TTC7B: variants seen among roughly 807,000 people sequenced by gnomAD.
TTC7B encodes tetratricopeptide repeat domain 7B, also known as tetratricopeptide repeat protein 7B.
Under a neutral mutation model 106.8 loss-of-function variants are expected in TTC7B, and 28 were observed. That is an observed-to-expected ratio of 0.26 (90% confidence interval 0.19 to 0.36). The LOEUF (loss-of-function observed/expected upper bound fraction) is 0.36. Among genes scored for constraint, TTC7B ranks in the 10% least tolerant of loss-of-function variants. The pLI, the probability that TTC7B is intolerant of heterozygous loss-of-function variation, is 1.00. For synonymous variants in TTC7B, 405 were observed against 430.6 expected (o/e 0.94, Z 0.74); for missense variants, 862 against 1,076.4 (o/e 0.80, Z 2.79).
chr14:90,558,692 G>T (rs1267368176), intron 19 of TTC7B, among the ~76,000 whole-genome samples: 1 of 152,246 alleles, frequency 6.6e-6, no homozygotes, highest in Non-Finnish European at 1.5e-5. Context: ...GGTCTCCCCG[G>T]CCAGCGCTCC....
intron 18 of TTC7B, among the ~76,000 whole-genome samples, chr14:90,587,001 C>T (rs899782194): frequency 6.6e-6 from 1 of 152,208 alleles, no homozygotes; most frequent in Non-Finnish European, 1.5e-5. Context: ...CCTCAGAAGG[C>T]ATCTCAGGGT....
At chr14:90,760,890 C>T (rs1184775631) in intron 3 of TTC7B, among the ~76,000 whole-genome samples, 1 of 152,210 alleles carries the variant, frequency 6.6e-6, no homozygotes, top group Non-Finnish European at 1.5e-5. Context: ...AATGTTTCCC[C>T]AGGATAGCAC....
chr14:90,564,342 C>T (rs1595162622), intron 19 of TTC7B, among the ~76,000 whole-genome samples: 1 of 152,198 alleles, frequency 6.6e-6, no homozygotes, highest in East Asian at 1.9e-4. Context: ...GTCATTGAAC[C>T]ATGCTTTAAA....
intron 16 of TTC7B, among the ~76,000 whole-genome samples, chr14:90,617,019 G>A (rs570749251): frequency 2.8e-3 from 427 of 152,294 alleles, no homozygotes; most frequent in African/African-American, 9.9e-3. Context: ...ATATGCAAGG[G>A]AAAACTGTGC....
rs1166303080 is a variant in TTC7B, at chr14:90,600,551, C to T, written c.1967-6925G>A. Among the ~76,000 whole-genome samples, 1 of 152,218 alleles carries T rather than the reference C, an allele frequency of 6.6e-6. No individual in the cohort carries two copies. The highest frequency in any genetic ancestry group is 1.5e-5 in the Non-Finnish European group (1 of 68,046). ...CATAGCCCCAAGACGGGATCAGTTT[C>T]CCACTGACTTTAACATAATATCAAG... On this transcript the variant is annotated intron_variant, in intron 17 of 19. Transcript: ENST00000328459. This position sits in a 1 kb window ranked among gnomAD's most constrained non-coding sequence, Gnocchi z 4.3.
chr14:90,618,482 C>T (rs1336735404), intron 15 of TTC7B, among the ~76,000 whole-genome samples: 1 of 152,240 alleles, frequency 6.6e-6, no homozygotes, highest in African/African-American at 2.4e-5. Flanking sequence ...TGCTCACCGT[C>T]GTGTGAGCTT....
chr14:90,781,838 C>A (rs7155264), intron 2 of TTC7B, among the ~76,000 whole-genome samples: 1 of 152,190 alleles, frequency 6.6e-6, no homozygotes, highest in South Asian at 2.1e-4. Context: ...GCTGGCCTGG[C>A]CAGTCCCCCT....
chr14:90,543,340 A>T (rs893815776), intron 19 of TTC7B, among the ~76,000 whole-genome samples: 2 of 152,172 alleles, frequency 1.3e-5, no homozygotes, highest in Non-Finnish European at 2.9e-5. Context: ...TGGCAGAGTG[A>T]TGGATTCCTC....
intron 3 of TTC7B, among the ~76,000 whole-genome samples, chr14:90,761,546 T>C (rs559361076): frequency 3.9e-5 from 6 of 152,190 alleles, no homozygotes; most frequent in African/African-American, 1.4e-4. Flanking sequence ...CAGAGATTGA[T>C]TTGATTAATA....
intron 19 of TTC7B, among the ~76,000 whole-genome samples, chr14:90,557,930 C>G (rs1240759900): frequency 6.6e-6 from 1 of 152,226 alleles, no homozygotes; most frequent in East Asian, 1.9e-4. Flanking sequence ...AGCTGCCAGG[C>G]TCCTGAAGAC....
intron 3 of TTC7B, among the ~76,000 whole-genome samples, chr14:90,755,918 C>T (rs760869676): frequency 3.7e-4 from 57 of 152,236 alleles, no homozygotes; most frequent in Non-Finnish European, 5.9e-4. Flanking sequence ...ATATGTCTTT[C>T]CTGGGACAAT....
intron 1 of TTC7B, among the ~76,000 whole-genome samples, chr14:90,786,999 T>C (rs552807956): frequency 2.1e-4 from 32 of 152,314 alleles, no homozygotes; most frequent in Admixed American, 1.9e-3. Context: ...GTGTTACGTA[T>C]TTTCAAGAGT....
intron 7 of TTC7B, among the ~76,000 whole-genome samples, chr14:90,687,462 TG>T (rs1284547080): frequency 2.0e-5 from 3 of 152,166 alleles, no homozygotes; most frequent in African/African-American, 7.2e-5. Flanking sequence ...GAGGCCATAC[TG>T]GATGGCACCC....
chr14:90,669,473 A>C (rs1350455793), intron 9 of TTC7B, among the ~76,000 whole-genome samples: 1 of 151,822 alleles, frequency 6.6e-6, no homozygotes, highest in Non-Finnish European at 1.5e-5. Flanking sequence ...CCAAGACGGG[A>C]GGATCACTTG....
rs1555378038 is a variant in TTC7B at position 90,588,904 on chromosome 14, A to AAC, written c.2107+4581_2107+4582insGT. Among the ~76,000 whole-genome samples, 538 of 148,964 alleles carry AAC rather than the reference A, an allele frequency of 3.6e-3. 7 individuals carry two copies. Among genetic ancestry groups the AAC allele is most frequent in the African/African-American group, 0.013 (516 of 39,530 alleles). On this transcript the variant is annotated intron_variant, in intron 18 of 19. Coordinates refer to ENST00000328459, the MANE Select transcript of TTC7B (RefSeq NM_001010854.2). ...CAAAAACTAAAAAAAAAAAAAAAAA[A>AAC]AACCCTTGGAAGATGTTTACAGCAC...
intron 4 of TTC7B, among the ~76,000 whole-genome samples, 180 bp from the exon 5 acceptor site, chr14:90,730,376 C>T (rs1889278835): frequency 6.6e-6 from 1 of 152,126 alleles, no homozygotes; most frequent in Non-Finnish European, 1.5e-5. Context: ...TTCTACTAGA[C>T]AGGAAGCAAC....
intron 19 of TTC7B, among the ~76,000 whole-genome samples, chr14:90,564,508 C>G (rs1221531309): frequency 6.6e-6 from 1 of 152,192 alleles, no homozygotes; most frequent in Non-Finnish European, 1.5e-5. Flanking sequence ...AACAAAAGAA[C>G]CAGCATATCC....
At position 90,575,150 on chromosome 14, in the gene TTC7B, T is replaced by A. The variant is rs1891208159; in HGVS notation, c.2310+2956A>T. 6.6e-6 allele frequency among the ~76,000 whole-genome samples: 1 copy of A among 152,204 alleles called. No homozygotes were observed. On this transcript the variant is annotated intron_variant, in intron 19 of 19. Transcript: ENST00000328459. The surrounding 1 kb of genome is among the most constrained non-coding windows in gnomAD (Gnocchi z 5.2). The stretch of plus-strand genomic sequence containing the variant: ...TCTCATCTCCCTGCTGACACCTTCC[T>A]CTTAACTCAGGGGCTTGCAAACCAA...
chr14:90,691,308 C>A (rs1009807823), intron 6 of TTC7B, among the ~76,000 whole-genome samples: 1 of 152,180 alleles, frequency 6.6e-6, no homozygotes, highest in Non-Finnish European at 1.5e-5. Flanking sequence ...TGCTAGGTCT[C>A]ATTTTCTCTC....
Sources: gnomAD v4.1 joint callset for allele counts (sites outside exome capture counted in the v4.1 genomes callset) on GRCh38, gnomAD v4.1.1 for gene constraint, Gnocchi (gnomAD v3.1) non-coding constraint, MANE v1.5 for transcripts, NCBI Gene and HGNC (gene_info 2026-07-23, HGNC 2026-07-21) for gene names.